The following ACSL6 variants were observed in gnomAD, a reference collection of about 807,000 sequenced individuals.
The protein encoded by ACSL6 is acyl-CoA synthetase long chain family member 6.
Under a neutral mutation model 98.2 loss-of-function variants are expected in ACSL6, and 47 were observed. The observed-to-expected ratio is 0.48, with a 90% CI of 0.38 to 0.61. ACSL6 has a LOEUF of 0.61. ACSL6 is among the 20% of genes least tolerant of loss of function. The probability of loss-of-function intolerance (pLI) is 0.00; values close to 1 mark genes in which losing one functional copy is unlikely to be tolerated. For missense variants in ACSL6, 761 were observed against 913.4 expected (o/e 0.83, Z 2.15); for synonymous variants, 362 against 336.9 (o/e 1.07, Z -0.82).
In ACSL6 at chr5:131,976,703, A is replaced by G. The variant is rs1415329956; in HGVS notation, c.935T>C (p.Met312Thr). The G allele has an allele frequency of 6.2e-7, 1 of 1,614,206 alleles. No homozygotes were observed. Among genetic ancestry groups the G allele is most frequent in the East Asian group, 2.2e-5 (1 of 44,888 alleles). Reference protein sequence around the residue: ...SGTTGNPKGAMLTHGNVVADF... With the variant: ...SGTTGNPKGATLTHGNVVADF... ...AGCCACCACGTTCCCATGGGTGAGC[A>G]TCGCACCTTTTGGGTTCCCTATAAA... The change falls in exon 10 of 21, where the codon ATG (methionine) becomes ACG (threonine). Residue 312 changes from methionine to threonine, a missense_variant. Met to Thr is a moderately conservative substitution (Grantham distance 81). Transcript: ENST00000651883.
intron 1 of ACSL6, among the ~76,000 whole-genome samples, chr5:132,005,060 G>A (rs1338982472): frequency 6.6e-6 from 1 of 152,110 alleles, no homozygotes; most frequent in African/African-American, 2.4e-5. Context: ...GCTGAGGCAG[G>A]AGAATCACTT....
At chr5:132,004,205 G>A (rs1755253669) in intron 1 of ACSL6, among the ~76,000 whole-genome samples, 2 of 151,680 alleles carry the variant, frequency 1.3e-5, no homozygotes, top group South Asian at 2.1e-4. Flanking sequence ...CCATGCCAAG[G>A]TCAGGCTTCT....
In ACSL6 at chr5:131,954,271, T is replaced by C. The variant is rs1326323507; in HGVS notation, c.2132A>G (p.Lys711Arg). The change falls in exon 21 of 21, where the codon AAA becomes AGA. Residue 711 changes from lysine to arginine, a missense_variant. Lys to Arg is a conservative substitution (Grantham distance 26, BLOSUM62 2). Transcript: ENST00000651883. ...AKRPELREYF[K>R]KQIEELYSIS... is the part of the protein sequence containing the mutation. Reference sequence around the variant, plus strand: ...TGAGTAAAGCTCTTCTATTTGTTTTTTGAAGTACTCTCTCAGCTCAGGTCT... The same window carrying C: ...TGAGTAAAGCTCTTCTATTTGTTTTCTGAAGTACTCTCTCAGCTCAGGTCT... 1.9e-6 allele frequency: 3 copies of C among 1,613,760 alleles called. No homozygotes were observed. Among genetic ancestry groups the C allele is most frequent in the Admixed American group, 1.7e-5 (1 of 59,950 alleles).
intron 18 of ACSL6, 77 bp from the exon 19 acceptor site, chr5:131,960,698 T>A: frequency 3.6e-6 from 4 of 1,117,472 alleles, no homozygotes; most frequent in Non-Finnish European, 5.1e-6. Context: ...GCATTAAAAT[T>A]CTCAGACTCC....
upstream of ACSL6, chr5:132,011,995 A>G: frequency 6.7e-7 from 1 of 1,483,816 alleles, no homozygotes; most frequent in Non-Finnish European, 9.0e-7. This position sits in a 1 kb window ranked among gnomAD's most constrained non-coding sequence, Gnocchi z 5.4. Context: ...CCCCGCCGCC[A>G]CCCACCCCAT....
chr5:132,008,029 T>G lies in ACSL6; in HGVS notation c.49+3476A>C, dbSNP rs1301649081. Among the ~76,000 whole-genome samples, 3 of 152,194 alleles carry G rather than the reference T, an allele frequency of 2.0e-5. No individual in the cohort carries two copies. In the East Asian group the frequency reaches 5.8e-4, roughly 29 times the overall value. On this transcript the variant is annotated intron_variant, in intron 1 of 20. Transcript: ENST00000651883. The stretch of plus-strand genomic sequence containing the variant: ...ATAATGACTGGGTTCTGCTGCCCCC[T>G]GGTGTCAGTATGTTCTTACCATATA...
At chr5:131,962,466 G>A (rs1752761597) in intron 18 of ACSL6, 69 bp downstream of exon 18, 40 of 1,515,978 alleles carry the variant, frequency 2.6e-5, no homozygotes, top group Non-Finnish European at 3.6e-5. Flanking sequence ...CTGATTGGAG[G>A]TTAATGTTTA....
Position 131,950,226 on chromosome 5 carries a change from G to A in ACSL6, c.*4008C>T, listed in dbSNP as rs967400717. 2.0e-5 allele frequency: 4 copies of A among 199,738 alleles called. No homozygotes were observed. Among genetic ancestry groups the A allele is most frequent in the Admixed American group, 6.0e-5 (1 of 16,608 alleles). 12.4% of individuals were successfully genotyped at this position (199,738 alleles called of 1,614,324 possible). On this transcript the variant is annotated 3_prime_UTR_variant, in exon 21 of 21. Coordinates refer to ENST00000651883, the MANE Select transcript of ACSL6 (RefSeq NM_001009185.3). Reference sequence around the variant, plus strand: ...TTTAACAAGGAAAATTAGAATAATCGGTCAAATGAATGTTTAAAAGCCACT... The same window carrying A: ...TTTAACAAGGAAAATTAGAATAATCAGTCAAATGAATGTTTAAAAGCCACT...
At chr5:131,961,536 TAAA>T (rs942526360) in intron 18 of ACSL6, among the ~76,000 whole-genome samples, 2 of 146,528 alleles carry the variant, frequency 1.4e-5, no homozygotes, top group South Asian at 4.4e-4. Context: ...CTACTAAAAA[TAAA>T]AAAAAAATAT....
upstream of ACSL6, chr5:132,012,173 C>A (rs567768434): frequency 1.1e-5 from 5 of 452,136 alleles, no homozygotes; most frequent in South Asian, 4.7e-5. Context: ...ACATGGGGAG[C>A]CTCCGGGTGC....
At chr5:131,978,547 C>T (rs1163063560) in intron 9 of ACSL6, among the ~76,000 whole-genome samples, 1 of 152,146 alleles carries the variant, frequency 6.6e-6, no homozygotes, top group East Asian at 1.9e-4. Flanking sequence ...AGCCAGCCCT[C>T]GCTCGGGAAA....
In ACSL6 at chr5:131,950,571, T is replaced by G. The variant is rs1752105889; in HGVS notation, c.*3663A>C. ...AGTTTACCAATTTTATATACGGTTA[T>G]TCATTCTTTTTTTCCTGAGATATTA... On this transcript the variant is annotated 3_prime_UTR_variant, in exon 21 of 21. Transcript: ENST00000651883. 3 of 197,052 alleles carry G rather than the reference T, an allele frequency of 1.5e-5. No individual in the cohort carries two copies. Among genetic ancestry groups the G allele is most frequent in the Non-Finnish European group, 2.1e-5 (2 of 95,166 alleles). 12.2% of individuals were successfully genotyped at this position (197,052 alleles called of 1,614,324 possible).
chr5:131,956,079 T>A (rs1336160167), intron 20 of ACSL6, among the ~76,000 whole-genome samples: 1 of 152,170 alleles, frequency 6.6e-6, no homozygotes, highest in Non-Finnish European at 1.5e-5. Flanking sequence ...TCTGCATTCC[T>A]AACAGCATGT....
intron 3 of ACSL6, 23 bp downstream of exon 3, chr5:131,990,830 C>G (rs1262748715): frequency 1.9e-4 from 1 of 5,262 alleles, no homozygotes; most frequent in Non-Finnish European, 2.4e-4. Context: ...CCCCTCCACA[C>G]CCCCCCCCAC....
chr5:131,968,954 G>A (rs1753161882), intron 15 of ACSL6, among the ~76,000 whole-genome samples: 1 of 152,200 alleles, frequency 6.6e-6, no homozygotes, highest in South Asian at 2.1e-4. Context: ...GTTTACATAG[G>A]AAAATGTAAA....
intron 1 of ACSL6, chr5:132,006,307 C>G (rs1755404708): frequency 6.6e-6 from 1 of 152,208 alleles, no homozygotes; most frequent in African/African-American, 2.4e-5. Context: ...CTTCCCATTT[C>G]TGCCTGTCCC....
At chr5:132,012,044 G>C, upstream of ACSL6, 1 of 1,324,720 alleles carries the variant, frequency 7.5e-7, no homozygotes, top group African/African-American at 1.5e-5. Flanking sequence ...CGCAGCCTGG[G>C]TTTTATGGCT....
intron 1 of ACSL6, 123 bp from the exon 2 acceptor site, chr5:131,994,374 T>G: frequency 1.2e-6 from 1 of 818,160 alleles, no homozygotes; most frequent in Non-Finnish European, 1.9e-6. Flanking sequence ...GGAGTTGGGA[T>G]GTACAGAGTG....
rs1183930294 is a variant in ACSL6, at chr5:131,966,496, A to G, written c.1633T>C (p.Leu545=). The G allele has an allele frequency of 6.2e-7, 1 of 1,614,176 alleles. No individual in the cohort carries two copies. Among genetic ancestry groups the G allele is most frequent in the African/African-American group, 1.3e-5 (1 of 75,044 alleles). Reference sequence around the variant, plus strand: ...TCCTTCGTCCTGTCTGGATCTTTCAAGTAGCCTTTGAACACATTTGGTCCT... The same window carrying G: ...TCCTTCGTCCTGTCTGGATCTTTCAGGTAGCCTTTGAACACATTTGGTCCT... ...VRGPNVFKGY[L]KDPDRTKEAL... is the part of the protein sequence containing the mutation. The change falls in exon 17 of 21, where the codon TTG becomes CTG. Residue 545 remains leucine (L), a synonymous_variant. Coordinates refer to ENST00000651883, the MANE Select transcript of ACSL6 (RefSeq NM_001009185.3).
Sources: allele counts gnomAD v4.1 joint callset (sites outside exome capture counted in the v4.1 genomes callset), GRCh38; gene constraint gnomAD v4.1.1; non-coding constraint Gnocchi (gnomAD v3.1); transcripts MANE v1.5; gene names NCBI Gene and HGNC (gene_info 2026-07-23, HGNC 2026-07-21).